The following TRMU variants were observed in gnomAD, a reference collection of about 807,000 sequenced individuals.
The protein encoded by TRMU is mitochondrial tRNA-specific 2-thiouridylase 1.
A neutral mutation model predicts 46.9 loss-of-function variants in TRMU; 49 were observed. The ratio of observed to expected loss-of-function variants is 1.05; its 90% CI spans 0.83 to 1.33. The LOEUF is 1.33. Among genes scored for constraint, TRMU ranks in the 40% most tolerant of loss-of-function variants. The probability of loss-of-function intolerance (pLI) is 0.00; values close to 1 mark genes in which losing one functional copy is unlikely to be tolerated. For missense variants in TRMU, 572 were observed against 532.4 expected, an observed-to-expected ratio of 1.07 and a Z score of -0.73; for synonymous variants, 241 against 200.9, an observed-to-expected ratio of 1.20 and a Z score of -1.69.
rs2078383974 is a variant in TRMU at position 46,350,436 on chromosome 22, A to T, written c.624A>T (p.Arg208Ser). ...EFVKKIAAEN[R>S]LHHVLQKKES... ...TAAAGAAAATCGCTGCTGAGAATAGACTTCATCATGTGCTTCAGAAGAAAG... is the reference window on the plus strand; with the variant it reads ...TAAAGAAAATCGCTGCTGAGAATAGTCTTCATCATGTGCTTCAGAAGAAAG... Residue 208 changes from arginine to serine, a missense_variant, in exon 5 of 11, where the codon AGA becomes AGT. Physicochemically the swap from Arg to Ser is moderately radical, Grantham distance 110. Transcript: ENST00000645190. This position sits in a 1 kb window ranked among gnomAD's most constrained non-coding sequence, Gnocchi z 4.6. 1 of 1,613,930 alleles carries T rather than the reference A, an allele frequency of 6.2e-7. No individual in the cohort carries two copies. Among genetic ancestry groups the T allele is most frequent in the South Asian group, 1.1e-5 (1 of 91,090 alleles).
Position 46,335,818 on chromosome 22 carries a change from C to A in TRMU, c.54C>A (p.Ala18=). 1 of 1,556,798 alleles carries A rather than the reference C, an allele frequency of 6.4e-7. No homozygotes were observed. The part of the protein sequence containing the change: ...VCALSGGVDS[A]VAALLLRRRG... Reference sequence around the variant, plus strand: ...CCCTGTCCGGCGGCGTGGACAGCGCCGTGGCCGCGCTGCTGCTGAGGCGGA... The same window carrying A: ...CCCTGTCCGGCGGCGTGGACAGCGCAGTGGCCGCGCTGCTGCTGAGGCGGA... Residue 18 remains alanine (A), a synonymous_variant, in exon 1 of 11, where the codon GCC becomes GCA. Coordinates refer to ENST00000645190, the MANE Select transcript of TRMU (RefSeq NM_018006.5).
chr22:46,341,344 A>T (rs1289305963), intron 2 of TRMU, among the ~76,000 whole-genome samples: 1 of 152,146 alleles, frequency 6.6e-6, no homozygotes, highest in Non-Finnish European at 1.5e-5. Context: ...TTATAGTTTA[A>T]TGAGCTTCCT....
At chr22:46,355,938 G>A in intron 9 of TRMU, 52 bp from the exon 10 acceptor site, 1 of 1,601,664 alleles carries the variant, frequency 6.2e-7, no homozygotes, top group Non-Finnish European at 8.5e-7. Context: ...GGGGCCTGAG[G>A]TCGACCAGGA....
At chr22:46,346,378 G>C in intron 3 of TRMU, 44 bp from the exon 4 acceptor site, 2 of 1,601,242 alleles carry the variant, frequency 1.2e-6, no homozygotes, top group Non-Finnish European at 1.7e-6. Context: ...AGGCCTGCAA[G>C]TATGAGTCTA....
rs188644734 is a variant in TRMU at position 46,350,821 on chromosome 22, G to A, written c.651+358G>A. On this transcript the variant is annotated intron_variant, in intron 5 of 10. Coordinates refer to ENST00000645190, the MANE Select transcript of TRMU (RefSeq NM_018006.5). This position sits in a 1 kb window ranked among gnomAD's most constrained non-coding sequence, Gnocchi z 4.6. ...AGACCCCTGGAGGGGCAGGTGCTGTGCCGCCGTCTGCACACTCATGTGCCC... is the reference window on the plus strand; with the variant it reads ...AGACCCCTGGAGGGGCAGGTGCTGTACCGCCGTCTGCACACTCATGTGCCC... Among the ~76,000 whole-genome samples, 79 of 152,320 alleles carry A rather than the reference G, an allele frequency of 5.2e-4. 1 individual carries two copies. The highest frequency in any genetic ancestry group is 8.2e-4 in the Non-Finnish European group (56 of 68,028).
chr22:46,354,973 A>G (rs915579980), intron 8 of TRMU: 1 of 210,646 alleles, frequency 4.7e-6, no homozygotes, highest in Non-Finnish European at 9.7e-6. Flanking sequence ...GTGGGAAGCC[A>G]GCAGCTACCA....
rs12160381 is a variant in TRMU at position 46,352,436 on chromosome 22, A to C, written c.772+106A>C. Reference sequence around the variant, plus strand: ...CCTGTCGTCCCTTCCACTTGGCTGGAGAATTGTAGAAGGCTCTGTGGGGCG... The same window carrying C: ...CCTGTCGTCCCTTCCACTTGGCTGGCGAATTGTAGAAGGCTCTGTGGGGCG... On this transcript the variant is annotated intron_variant, in intron 7 of 10. Transcript: ENST00000645190. The C allele has an allele frequency of 7.0e-3, 9,809 of 1,396,898 alleles. 456 individuals carry two copies. The African/African-American group carries it at 0.11, about 15-fold the overall frequency. The allele number at this position is 1,396,898 out of a possible 1,614,324, so 86.5% of individuals were successfully genotyped here.
chr22:46,356,688 C>G, intron 10 of TRMU, 154 bp from the exon 11 acceptor site: 1 of 755,000 alleles, frequency 1.3e-6, no homozygotes, highest in Non-Finnish European at 2.0e-6. Flanking sequence ...CTCTCCTGTT[C>G]AGCAGCAGCA....
chr22:46,337,549 A>G (rs1321875374), intron 1 of TRMU, among the ~76,000 whole-genome samples: 1 of 152,198 alleles, frequency 6.6e-6, no homozygotes, highest in East Asian at 1.9e-4. Flanking sequence ...GCTGATACAT[A>G]GATGGGGACA....
Position 46,348,761 on chromosome 22 carries a change from G to A in TRMU, c.479-1530G>A, listed in dbSNP as rs2078325994. Among the ~76,000 whole-genome samples, 1 of 152,214 alleles carries A rather than the reference G, an allele frequency of 6.6e-6. No individual in the cohort carries two copies. Among genetic ancestry groups the A allele is most frequent in the South Asian group, 2.1e-4 (1 of 4,832 alleles). On this transcript the variant is annotated intron_variant, in intron 4 of 10. Transcript: ENST00000645190. The surrounding 1 kb of genome is among the most constrained non-coding windows in gnomAD (Gnocchi z 4.8). ...TTTGTTTTAAAATGACGCAGAACTAGGAGAAAATGCAAATGGCTCCTAGTT... is the reference window on the plus strand; with the variant it reads ...TTTGTTTTAAAATGACGCAGAACTAAGAGAAAATGCAAATGGCTCCTAGTT...
At chr22:46,356,466 G>A in intron 10 of TRMU, 1 of 417,000 alleles carries the variant, frequency 2.4e-6, no homozygotes, top group East Asian at 4.6e-5. Flanking sequence ...AATCTCCAGG[G>A]GCAGGTGGTG....
chr22:46,336,201 G>A lies in TRMU; in HGVS notation c.82+355G>A. The A allele has an allele frequency of 5.3e-6, 6 of 1,122,700 alleles. No individual in the cohort carries two copies. The highest frequency in any genetic ancestry group is 6.6e-6 in the Non-Finnish European group (6 of 904,630). 69.5% of individuals were successfully genotyped at this position (1,122,700 alleles called of 1,614,324 possible). ...CACCTGTGAGACCGTGGACACTGGTGAGGGGAGCTGGGATCGCCGGGCCGG... is the reference window on the plus strand; with the variant it reads ...CACCTGTGAGACCGTGGACACTGGTAAGGGGAGCTGGGATCGCCGGGCCGG... On this transcript the variant is annotated intron_variant, in intron 1 of 10. Coordinates refer to ENST00000645190, the MANE Select transcript of TRMU (RefSeq NM_018006.5). This position sits in a 1 kb window ranked among gnomAD's most constrained non-coding sequence, Gnocchi z 4.1.
At chr22:46,335,881 G>C in intron 1 of TRMU, 35 bp downstream of exon 1, 2 of 1,530,852 alleles carry the variant, frequency 1.3e-6, no homozygotes, top group South Asian at 1.2e-5. Flanking sequence ...CCCGCCGAGC[G>C]AATGTGTCCC....
chr22:46,352,683 G>A (rs2147097763), intron 7 of TRMU: 2 of 384,150 alleles, frequency 5.2e-6, no homozygotes, highest in South Asian at 2.2e-5. Flanking sequence ...CTGATTCAGG[G>A]AGTAAGGTGG....
At position 46,339,737 on chromosome 22, in the gene TRMU, G is replaced by A. The variant is rs755275799; in HGVS notation, c.248+1793G>A. Among the ~76,000 whole-genome samples, 9 of 152,106 alleles carry A rather than the reference G, an allele frequency of 5.9e-5. No homozygotes were observed. Among genetic ancestry groups the A allele is most frequent in the Non-Finnish European group, 1.2e-4 (8 of 68,040 alleles). The stretch of plus-strand genomic sequence containing the variant: ...GACTATGGTCACCTAAATAATCAAC[G>A]GAAGAGCTTGAATATGAACCCTCTG... On this transcript the variant is annotated intron_variant, in intron 2 of 10. Transcript: ENST00000645190. The surrounding 1 kb of genome is among the most constrained non-coding windows in gnomAD (Gnocchi z 4.8).
rs778153515 is a variant in TRMU, at chr22:46,342,297, T to A, written c.249-965T>A. ...ACTCAGAAAAACACATTTACCAGTT[T>A]ATTATAAAGGATGTTGCAAAGGATA... On this transcript the variant is annotated intron_variant, in intron 2 of 10. Transcript: ENST00000645190. The surrounding 1 kb of genome is among the most constrained non-coding windows in gnomAD (Gnocchi z 4.7). Among the ~76,000 whole-genome samples the A allele has an allele frequency of 5.9e-5, 9 of 152,132 alleles. No homozygotes were observed. Among genetic ancestry groups the A allele is most frequent in the Non-Finnish European group, 1.3e-4 (9 of 68,028 alleles).
At chr22:46,354,232 T>G in intron 8 of TRMU, 1 of 316,698 alleles carries the variant, frequency 3.2e-6, no homozygotes. Flanking sequence ...ATCCAGTGAG[T>G]TGTTGTCAGG....
chr22:46,354,247 T>C, intron 8 of TRMU: 1 of 307,138 alleles, frequency 3.3e-6, no homozygotes, highest in South Asian at 2.9e-5. Context: ...GTCAGGCAGG[T>C]GCAGATGGCC....
chr22:46,337,689 G>A (rs1381657203), intron 1 of TRMU, 90 bp from the exon 2 acceptor site: 15 of 1,529,864 alleles, frequency 9.8e-6, no homozygotes, highest in Admixed American at 3.7e-5. Context: ...GGAGCACAGC[G>A]TGTGGGGAAC....
Sources: gnomAD v4.1 joint callset for allele counts (sites outside exome capture counted in the v4.1 genomes callset) on GRCh38, gnomAD v4.1.1 for gene constraint, Gnocchi (gnomAD v3.1) non-coding constraint, MANE v1.5 for transcripts, NCBI Gene and HGNC (gene_info 2026-07-23, HGNC 2026-07-21) for gene names.